The following ANXA2 variants were observed in gnomAD, a reference collection of about 807,000 sequenced individuals.
ANXA2 encodes the protein annexin II.
Under a neutral mutation model 47.3 loss-of-function variants are expected in ANXA2, and 28 were observed. The ratio of observed to expected loss-of-function variants is 0.59; its 90% CI spans 0.44 to 0.81. The LOEUF is 0.81. Among genes scored for constraint, ANXA2 ranks in the 40% least tolerant of loss-of-function variants. The pLI, the probability that ANXA2 is intolerant of heterozygous loss-of-function variation, is 0.00. For synonymous variants in ANXA2, 172 were observed against 155.5 expected (o/e 1.11, Z -0.79); for missense variants, 384 against 414.3 (o/e 0.93, Z 0.64).
Position 60,352,491 on chromosome 15 carries a change from A to G in ANXA2, c.589-15T>C. ...TCATAGAGATCCTACGAGTACAACC[A>G]ACCAGGAAAAGTTAACTACACATCC... On this transcript the variant is annotated splice_polypyrimidine_tract_variant and intron_variant, in intron 8 of 12. Transcript: ENST00000451270. This position sits in a 1 kb window ranked among gnomAD's most constrained non-coding sequence, Gnocchi z 4.2. 6.3e-7 allele frequency: 1 copy of G among 1,598,246 alleles called. No individual in the cohort carries two copies. The highest frequency in any genetic ancestry group is 8.6e-7 in the Non-Finnish European group (1 of 1,167,516).
chr15:60,354,383 T>G (rs761344411), intron 7 of ANXA2, among the ~76,000 whole-genome samples, 170 bp from the exon 8 acceptor site: 3 of 152,180 alleles, frequency 2.0e-5, no homozygotes, highest in Non-Finnish European at 2.9e-5. Flanking sequence ...GGCTCACGCC[T>G]GTAATCCTAG....
At chr15:60,382,303 G>A (rs1326147645) in intron 3 of ANXA2, 39 bp downstream of exon 3, 1 of 1,522,030 alleles carries the variant, frequency 6.6e-7, no homozygotes, top group African/African-American at 1.4e-5. Context: ...AAATGTCTCA[G>A]TAAGACCCTG....
At position 60,357,181 on chromosome 15, in the gene ANXA2, T is replaced by C; in HGVS notation, c.413A>G (p.Gln138Arg). Residue 138 changes from glutamine to arginine, a missense_variant, in exon 6 of 13, where the codon CAG (glutamine) becomes CGG (arginine). Coordinates refer to ENST00000451270, the MANE Select transcript of ANXA2 (RefSeq NM_004039.3). Reference protein sequence around the residue: ...LIEIICSRTNQELQEINRVYK... With the variant: ...LIEIICSRTNRELQEINRVYK... Reference sequence around the variant, plus strand: ...GACTCTGTTAATTTCCTGCAGCTCCTGGTTGGTTCTGGAGCAGATGATCTC... The same window carrying C: ...GACTCTGTTAATTTCCTGCAGCTCCCGGTTGGTTCTGGAGCAGATGATCTC... The C allele has an allele frequency of 6.2e-7, 1 of 1,614,214 alleles. No individual in the cohort carries two copies. The highest frequency in any genetic ancestry group is 8.5e-7 in the Non-Finnish European group (1 of 1,180,038).
rs752770561 is a variant in ANXA2, at chr15:60,347,637, T to C, written c.1013A>G (p.Asp338Gly). 3.1e-6 allele frequency: 5 copies of C among 1,614,022 alleles called. No homozygotes were observed. In the African/African-American group the frequency reaches 4.0e-5, roughly 13 times the overall value. ...CTCAGGCCGTGTCGGGCTTCAGTCA[T>C]CTCCACCACACAGGTACAGCAGCGC... ...QKALLYLCGG[D>G]D The change falls in exon 13 of 13, where the codon GAT becomes GGT. Residue 338 changes from aspartate (D) to glycine (G), a missense_variant. Physicochemically the swap from Asp to Gly is moderately conservative, Grantham distance 94. Transcript: ENST00000451270.
chr15:60,393,120 T>A lies in ANXA2; in HGVS notation c.-12+4823A>T, dbSNP rs898682061. ...CACAGGGCCAACTCATTCCCCAGAA[T>A]TCCTGGAATTCGGCCCAGTGACCTC... is the stretch of plus-strand genomic sequence containing the variant. On this transcript the variant is annotated intron_variant, in intron 1 of 12. Coordinates refer to ENST00000451270, the MANE Select transcript of ANXA2 (RefSeq NM_004039.3). 3.5e-5 allele frequency: 45 copies of A among 1,285,262 alleles called. 1 individual carries two copies. The Admixed American group carries it at 1.0e-3, about 29-fold the overall frequency. The allele number at this position is 1,285,262 out of a possible 1,614,324, so 79.6% of individuals were successfully genotyped here. A position where few individuals can be genotyped will look rare whatever the true frequency, so the allele number is the denominator to read the frequency against.
In ANXA2 at chr15:60,360,936, T is replaced by C. The variant is rs750803923; in HGVS notation, c.357+5A>G. 146 of 1,582,460 alleles carry C rather than the reference T, an allele frequency of 9.2e-5. No individual in the cohort carries two copies. The highest frequency in any genetic ancestry group is 1.2e-4 in the Non-Finnish European group (138 of 1,151,362). ...TGACAGAGATGACATCTCACATGCA[T>C]TTACCTTCATGGAAGCTTTTAGCTC... On this transcript the variant is annotated splice_donor_5th_base_variant and intron_variant, in intron 5 of 12. Transcript: ENST00000451270.
At chr15:60,349,839 GA>G (rs768824664) in intron 11 of ANXA2, among the ~76,000 whole-genome samples, 140 of 123,092 alleles carry the variant, frequency 1.1e-3, no homozygotes, top group Middle Eastern at 4.3e-3. Flanking sequence ...GGAGGGGAAG[GA>G]AAGGGAGGGA....
At position 60,369,947 on chromosome 15, in the gene ANXA2, C is replaced by T. The variant is rs554598526; in HGVS notation, c.149-5424G>A. On this transcript the variant is annotated intron_variant, in intron 3 of 12. Transcript: ENST00000451270. ...CACTCCACAAGCCGCAATGCAGTCCCACACTCTTAGCCAACGACACAGCTT... is the reference window on the plus strand; with the variant it reads ...CACTCCACAAGCCGCAATGCAGTCCTACACTCTTAGCCAACGACACAGCTT... Among the ~76,000 whole-genome samples the T allele has an allele frequency of 3.3e-5, 5 of 152,290 alleles. No individual in the cohort carries two copies. In the East Asian group the frequency reaches 7.7e-4, roughly 23 times the overall value.
intron 8 of ANXA2, among the ~76,000 whole-genome samples, chr15:60,353,759 G>A (rs924380805): frequency 3.3e-5 from 5 of 152,154 alleles, no homozygotes; most frequent in African/African-American, 1.2e-4. Context: ...CTTCCTCTTT[G>A]CAGATTGCTT....
chr15:60,393,109 A>G (rs2063036019), intron 1 of ANXA2: 1 of 1,285,706 alleles, frequency 7.8e-7, no homozygotes, highest in South Asian at 1.2e-5. Flanking sequence ...GGGCCAACTC[A>G]TTCCCCAGAA....
At chr15:60,366,808 G>GC (rs2062619484) in intron 3 of ANXA2, among the ~76,000 whole-genome samples, 1 of 137,462 alleles carries the variant, frequency 7.3e-6, no homozygotes, top group Non-Finnish European at 1.6e-5. Context: ...GAGGCGGGGG[G>GC]GGGGGGGGTC....
At chr15:60,355,609 T>C (rs760038047) in intron 7 of ANXA2, 66 of 448,360 alleles carry the variant, frequency 1.5e-4, no homozygotes, top group South Asian at 1.2e-3. Context: ...TGACCACAGA[T>C]AGAGGCAAAG....
chr15:60,349,510 A>T (rs1895891314), intron 11 of ANXA2, among the ~76,000 whole-genome samples: 1 of 152,198 alleles, frequency 6.6e-6, no homozygotes, highest in Non-Finnish European at 1.5e-5. Context: ...CATCATATAT[A>T]TGCAAATATT....
At chr15:60,363,029 C>CAAAAAAAAAAAAAAAAA (rs55992595) in intron 4 of ANXA2, 16 of 74,036 alleles carry the variant, frequency 2.2e-4, no homozygotes, top group Non-Finnish European at 2.9e-4. Context: ...GACCCTGTCA[C>CAAAAAAAAAAAAAAAAA]AAAAAAAAAA....
chr15:60,390,565 G>C, intron 1 of ANXA2: 1 of 433,956 alleles, frequency 2.3e-6, no homozygotes, highest in Non-Finnish European at 4.5e-6. Flanking sequence ...AGGTTGTGCT[G>C]AGGCTTGAGT....
chr15:60,365,865 T>TCCCCCC (rs1317755286), intron 3 of ANXA2, among the ~76,000 whole-genome samples: 1 of 44,370 alleles, frequency 2.3e-5, no homozygotes, highest in Non-Finnish European at 4.7e-5. Context: ...CCCCTCCCCC[T>TCCCCCC]CCCTCTCCCT....
At position 60,387,511 on chromosome 15, in the gene ANXA2, T is replaced by C. The variant is rs1456956650; in HGVS notation, c.-11-1425A>G. ...ATGAAAAGACACAGAGGAACCTAAATTGCACATTGCTGAGTGAAAGAAGCC... is the reference window on the plus strand; with the variant it reads ...ATGAAAAGACACAGAGGAACCTAAACTGCACATTGCTGAGTGAAAGAAGCC... On this transcript the variant is annotated intron_variant, in intron 1 of 12. Transcript: ENST00000451270. Among the ~76,000 whole-genome samples the C allele has an allele frequency of 2.6e-5, 4 of 152,172 alleles. No individual in the cohort carries two copies. In the South Asian group the frequency reaches 8.3e-4, roughly 31 times the overall value.
chr15:60,388,482 A>G (rs1267712370), intron 1 of ANXA2, among the ~76,000 whole-genome samples: 2 of 152,046 alleles, frequency 1.3e-5, no homozygotes, highest in Non-Finnish European at 2.9e-5. Flanking sequence ...GGCATAAACC[A>G]CTGTGTCCAG....
In ANXA2 at chr15:60,365,693, C is replaced by T. The variant is rs188263453; in HGVS notation, c.149-1170G>A. ...AATTTCTGGGTATAAAAATAAATAA[C>T]TTTTTAAAATGTATATGCTCATTTC... On this transcript the variant is annotated intron_variant, in intron 3 of 12. Transcript: ENST00000451270. 1.5e-4 allele frequency among the ~76,000 whole-genome samples: 23 copies of T among 152,294 alleles called. No homozygotes were observed. In the East Asian group the frequency reaches 4.4e-3, roughly 29 times the overall value.
Sources: allele counts gnomAD v4.1 joint callset (sites outside exome capture counted in the v4.1 genomes callset), GRCh38; gene constraint gnomAD v4.1.1; non-coding constraint Gnocchi (gnomAD v3.1); transcripts MANE v1.5; gene names NCBI Gene and HGNC (gene_info 2026-07-23, HGNC 2026-07-21).